Variants in C3orf85 observed in about 807,000 individuals in gnomAD.
C3orf85 encodes the protein uncharacterized protein C3orf85.
C3orf85 carries 1 observed loss-of-function variant against 1.7 expected under a neutral mutation model. The observed-to-expected ratio is 0.60, with a 90% CI of 0.21 to 2.86. The LOEUF is 2.86. Among genes scored for constraint, C3orf85 ranks in the 30% most tolerant of loss-of-function variants. The pLI, the probability that C3orf85 is intolerant of heterozygous loss-of-function variation, is 0.22. For synonymous variants in C3orf85, 17 were observed against 8.0 expected (o/e 2.13, Z -1.90); for missense variants, 29 against 21.3 (o/e 1.36, Z -0.72).
intron 2 of C3orf85, among the ~76,000 whole-genome samples, chr3:109,142,377 T>C (rs1706750856): frequency 6.6e-6 from 1 of 152,212 alleles, no homozygotes; most frequent in South Asian, 2.1e-4. Flanking sequence ...TAGGTACTTA[T>C]GCTGAGTGCT....
chr3:109,137,200 T>G (rs1430211140), intron 2 of C3orf85, among the ~76,000 whole-genome samples: 4 of 152,062 alleles, frequency 2.6e-5, no homozygotes, highest in Non-Finnish European at 5.9e-5. Context: ...AAAGAAAATT[T>G]TAAAATATCT....
At chr3:109,144,101 G>T (rs1229090441) in intron 2 of C3orf85, among the ~76,000 whole-genome samples, 1 of 152,070 alleles carries the variant, frequency 6.6e-6, no homozygotes, top group Non-Finnish European at 1.5e-5. Flanking sequence ...GGTTGATATT[G>T]CCTACATTTT....
chr3:109,145,254 G>C (rs977887331), intron 2 of C3orf85, among the ~76,000 whole-genome samples: 6 of 151,928 alleles, frequency 3.9e-5, no homozygotes, highest in East Asian at 3.9e-4. Flanking sequence ...ATAAAATGTG[G>C]TATATATACA....
intron 2 of C3orf85, among the ~76,000 whole-genome samples, chr3:109,147,431 A>G (rs573261953): frequency 6.6e-6 from 1 of 152,206 alleles, no homozygotes; most frequent in Non-Finnish European, 1.5e-5. Context: ...TGTTGTAATA[A>G]ATGCTTCTTT....
At chr3:109,143,787 A>G (rs1482794635) in intron 2 of C3orf85, among the ~76,000 whole-genome samples, 2 of 152,204 alleles carry the variant, frequency 1.3e-5, no homozygotes, top group African/African-American at 4.8e-5. Context: ...TGGCTCAATG[A>G]CCTAGCTGGT....
At position 109,151,341 on chromosome 3, in the gene C3orf85, A is replaced by G. The variant is rs748355111; in HGVS notation, c.*1447A>G. Among the ~76,000 whole-genome samples, 8 of 152,222 alleles carry G rather than the reference A, an allele frequency of 5.3e-5. No individual in the cohort carries two copies. The highest frequency in any genetic ancestry group is 9.6e-5 in the African/African-American group (4 of 41,462). On this transcript the variant is annotated 3_prime_UTR_variant, in exon 4 of 4. Coordinates refer to ENST00000622536, the MANE Select transcript of C3orf85 (RefSeq NM_001351622.2). ...GAGAAACAGAACCAATAGGATATGT[A>G]TATATAGAGATGCTCCTCAACATAC...
chr3:109,141,177 G>A (rs1706740286), intron 2 of C3orf85, among the ~76,000 whole-genome samples: 2 of 151,996 alleles, frequency 1.3e-5, no homozygotes, highest in South Asian at 4.2e-4. Context: ...AGTAGAGACG[G>A]GGTTTCACCA....
rs1706861617 is a variant in C3orf85 at position 109,150,897 on chromosome 3, A to G, written c.*1003A>G. Among the ~76,000 whole-genome samples the G allele has an allele frequency of 6.6e-6, 1 of 152,204 alleles. No homozygotes were observed. The highest frequency in any genetic ancestry group is 2.1e-4 in the South Asian group (1 of 4,832). On this transcript the variant is annotated 3_prime_UTR_variant, in exon 4 of 4. Transcript: ENST00000622536. ...GTTGATCTTATGTGGTCTTAAAACA[A>G]TCTTAAGCACTTTTTGAGTGGCAAG...
At position 109,143,805 on chromosome 3, in the gene C3orf85, G is replaced by A. The variant is rs557648549; in HGVS notation, c.50-4448G>A. On this transcript the variant is annotated intron_variant, in intron 2 of 3. Coordinates refer to ENST00000622536, the MANE Select transcript of C3orf85 (RefSeq NM_001351622.2). ...CTCAATGACCTAGCTGGTCACTGGC[G>A]AGGCCAAGAAAAGACTCTGGGTCTC... Among the ~76,000 whole-genome samples, 71 of 152,300 alleles carry A rather than the reference G, an allele frequency of 4.7e-4. 2 individuals are homozygous for A. The highest frequency in any genetic ancestry group is 1.0e-3 in the South Asian group (5 of 4,828).
In C3orf85 at chr3:109,150,114, TAA is replaced by T. The variant is rs57306274; in HGVS notation, c.*231_*232del. ...AAATGGTAGTTCTCAAAAAAAGAAC[TAA>T]AAAAAAAAAAGGCTGTAGTAATAAC... On this transcript the variant is annotated 3_prime_UTR_variant, in exon 4 of 4. Coordinates refer to ENST00000622536, the MANE Select transcript of C3orf85 (RefSeq NM_001351622.2). 0.021 allele frequency: 4,901 copies of T among 231,002 alleles called. 1 individual carries two copies. Among genetic ancestry groups the T allele is most frequent in the East Asian group, 0.1 (1,267 of 12,140 alleles). 14.3% of individuals were successfully genotyped at this position (231,002 alleles called of 1,614,324 possible). A position where few individuals can be genotyped will look rare whatever the true frequency, so the allele number is the denominator to read the frequency against.
In C3orf85 at chr3:109,150,195, G is replaced by A. The variant is rs1515374; in HGVS notation, c.*301G>A. The A allele has an allele frequency of 0.87, 150,294 of 171,998 alleles. 65,874 individuals are homozygous for A. The highest frequency in any genetic ancestry group is 0.92 in the East Asian group (6,166 of 6,726). 10.7% of individuals were successfully genotyped at this position (171,998 alleles called of 1,614,324 possible). On this transcript the variant is annotated 3_prime_UTR_variant, in exon 4 of 4. Transcript: ENST00000622536. ...AAAGGAAAGCAAAAACATAAACAAA[G>A]AAAAGTAGTTTCATTAAACCACTCT... is the stretch of plus-strand genomic sequence containing the variant.
chr3:109,149,378 A>G (rs1706842243), intron 3 of C3orf85: 1 of 151,972 alleles, frequency 6.6e-6, no homozygotes, highest in Admixed American at 6.6e-5. Context: ...TGAATAATGC[A>G]TCCAGTTTTA....
intron 2 of C3orf85, among the ~76,000 whole-genome samples, chr3:109,145,553 A>G (rs62274705): frequency 0.19 from 29,079 of 152,138 alleles, 3,348 homozygotes; most frequent in Middle Eastern, 0.33. Context: ...GATAGCGGTG[A>G]TGGTTACAAA....
At chr3:109,145,878 C>T (rs1367626099) in intron 2 of C3orf85, among the ~76,000 whole-genome samples, 2 of 152,136 alleles carry the variant, frequency 1.3e-5, no homozygotes, top group Admixed American at 1.3e-4. Flanking sequence ...CTGAATCTTC[C>T]TTTGCTCCTC....
chr3:109,142,010 T>C (rs1706747798), intron 2 of C3orf85, among the ~76,000 whole-genome samples: 1 of 151,780 alleles, frequency 6.6e-6, no homozygotes, highest in Non-Finnish European at 1.5e-5. Context: ...GTCTGGGCAA[T>C]AAAGCAAGAC....
rs144005479 is a variant in C3orf85, at chr3:109,137,119, A to G, written c.49+223A>G. On this transcript the variant is annotated intron_variant, in intron 2 of 3. Coordinates refer to ENST00000622536, the MANE Select transcript of C3orf85 (RefSeq NM_001351622.2). ...GTGATCATTTTATTTCTAATTATAT[A>G]TTAACATGATACTGTTGCTAAGAAG... is the stretch of plus-strand genomic sequence containing the variant. Among the ~76,000 whole-genome samples the G allele has an allele frequency of 2.2e-3, 334 of 151,930 alleles. 2 individuals carry two copies. Among genetic ancestry groups the G allele is most frequent in the African/African-American group, 7.7e-3 (318 of 41,350 alleles).
chr3:109,138,218 T>C (rs775688016), intron 2 of C3orf85, among the ~76,000 whole-genome samples: 2 of 152,086 alleles, frequency 1.3e-5, no homozygotes, highest in African/African-American at 2.4e-5. Flanking sequence ...TAAAAAAAAA[T>C]AATAAAGTTA....
intron 3 of C3orf85, 127 bp downstream of exon 3, chr3:109,148,513 T>A: frequency 1.6e-6 from 1 of 629,594 alleles, no homozygotes; most frequent in Non-Finnish European, 2.9e-6. Context: ...CTCTGAACTA[T>A]ATCTGCTTTT....
rs182085564 is a variant in C3orf85 at position 109,143,457 on chromosome 3, T to G, written c.50-4796T>G. On this transcript the variant is annotated intron_variant, in intron 2 of 3. Transcript: ENST00000622536. ...CCTGCAATGGGTACTCCCCACTTTG[T>G]TCATAATATGAATACATTTTTATCT... Among the ~76,000 whole-genome samples, 10 of 152,338 alleles carry G rather than the reference T, an allele frequency of 6.6e-5. No homozygotes were observed. The East Asian group carries it at 1.9e-3, about 29-fold the overall frequency.
Sources: allele counts gnomAD v4.1 joint callset (sites outside exome capture counted in the v4.1 genomes callset), GRCh38; gene constraint gnomAD v4.1.1; transcripts MANE v1.5; gene names NCBI Gene and HGNC (gene_info 2026-07-23, HGNC 2026-07-21).